B3GALT1: variants seen among roughly 807,000 people sequenced by gnomAD.
B3GALT1 encodes beta-1,3-galactosyltransferase 1.
Under a neutral mutation model 23.2 loss-of-function variants are expected in B3GALT1, and 10 were observed. The observed-to-expected ratio is 0.43, with a 90% confidence interval of 0.27 to 0.73. The LOEUF (loss-of-function observed/expected upper bound fraction) is 0.73. B3GALT1 is among the 30% of genes least tolerant of loss of function. B3GALT1 has a pLI of 0.21. For synonymous variants in B3GALT1, 156 were observed against 141.5 expected (o/e 1.10, Z -0.73); for missense variants, 299 against 405.4 (o/e 0.74, Z 2.25).
At chr2:167,489,925 G>C (rs978512626) in intron 1 of B3GALT1, among the ~76,000 whole-genome samples, 1 of 152,060 alleles carries the variant, frequency 6.6e-6, no homozygotes, top group Non-Finnish European at 1.5e-5. Context: ...AACCAGTAAA[G>C]ACATCATTTA....
chr2:167,867,215 C>A (rs57459420), intron 4 of B3GALT1, among the ~76,000 whole-genome samples: 13,144 of 152,106 alleles, frequency 0.086, 1,723 homozygotes, highest in African/African-American at 0.28. Flanking sequence ...CGTGAGCCAC[C>A]GCGCCCGGCC....
intron 2 of B3GALT1, among the ~76,000 whole-genome samples, chr2:167,603,025 C>T (rs1021364229): frequency 4.6e-5 from 7 of 152,142 alleles, no homozygotes; most frequent in Admixed American, 1.3e-4. Context: ...GGCACCATTG[C>T]CAGATCTCCT....
At chr2:167,565,060 G>T (rs1280770383) in intron 2 of B3GALT1, among the ~76,000 whole-genome samples, 1 of 152,120 alleles carries the variant, frequency 6.6e-6, no homozygotes, top group African/African-American at 2.4e-5. Context: ...TCAATCCTAA[G>T]CCAAAAGAGC....
At chr2:167,731,525 G>T (rs1354003626) in intron 3 of B3GALT1, among the ~76,000 whole-genome samples, 1 of 152,188 alleles carries the variant, frequency 6.6e-6, no homozygotes, top group Non-Finnish European at 1.5e-5. Flanking sequence ...AGTTGCTGTT[G>T]TTTCAAATGA....
chr2:167,430,431 C>T (rs528927863), intron 1 of B3GALT1, among the ~76,000 whole-genome samples: 66 of 152,224 alleles, frequency 4.3e-4, no homozygotes, highest in African/African-American at 1.3e-3. Context: ...TAATGACATA[C>T]GTTAATTTTT....
chr2:167,723,994 G>A (rs1392282440), intron 3 of B3GALT1, among the ~76,000 whole-genome samples: 1 of 152,182 alleles, frequency 6.6e-6, no homozygotes, highest in Non-Finnish European at 1.5e-5. Flanking sequence ...TTGAGTGACA[G>A]TTTTTACATT....
At chr2:167,561,054 A>C (rs1307136682) in intron 2 of B3GALT1, among the ~76,000 whole-genome samples, 1 of 152,136 alleles carries the variant, frequency 6.6e-6, no homozygotes. Flanking sequence ...ACATAGTTGG[A>C]AGTAAAGCTC....
At chr2:167,662,248 C>CT (rs889870942) in intron 3 of B3GALT1, among the ~76,000 whole-genome samples, 41 of 152,140 alleles carry the variant, frequency 2.7e-4, no homozygotes, top group African/African-American at 8.9e-4. Context: ...TCCACAAGTA[C>CT]TTTTTTTGTA....
chr2:167,449,725 G>A (rs988150097), intron 1 of B3GALT1, among the ~76,000 whole-genome samples: 1 of 152,084 alleles, frequency 6.6e-6, no homozygotes, highest in African/African-American at 2.4e-5. Flanking sequence ...TTTTGGCTGT[G>A]GGTTTGTCAT....
At chr2:167,369,123 A>G (rs996035071) in intron 1 of B3GALT1, among the ~76,000 whole-genome samples, 1 of 146,246 alleles carries the variant, frequency 6.8e-6, no homozygotes. Context: ...TTATGTTTCT[A>G]TGTCCAGTAT....
At chr2:167,474,080 G>T (rs1272224136) in intron 1 of B3GALT1, among the ~76,000 whole-genome samples, 3 of 152,278 alleles carry the variant, frequency 2.0e-5, no homozygotes, top group African/African-American at 4.8e-5. Context: ...AGTATTGACA[G>T]CTGTACAGAG....
At chr2:167,500,419 A>G (rs1699834953) in intron 2 of B3GALT1, among the ~76,000 whole-genome samples, 1 of 152,184 alleles carries the variant, frequency 6.6e-6, no homozygotes, top group Non-Finnish European at 1.5e-5. Context: ...AATGATAACT[A>G]ATGAGAAAAA....
At chr2:167,375,657 A>G (rs1303000318) in intron 1 of B3GALT1, among the ~76,000 whole-genome samples, 1 of 152,194 alleles carries the variant, frequency 6.6e-6, no homozygotes, top group African/African-American at 2.4e-5. Context: ...ATTGGTGTAT[A>G]GAAATGCTAC....
At chr2:167,677,592 G>C (rs1686450245) in intron 3 of B3GALT1, among the ~76,000 whole-genome samples, 1 of 152,124 alleles carries the variant, frequency 6.6e-6, no homozygotes, top group Non-Finnish European at 1.5e-5. Context: ...AATCACTATA[G>C]ACACCCTCAC....
intron 2 of B3GALT1, among the ~76,000 whole-genome samples, chr2:167,628,501 C>G (rs916500357): frequency 2.0e-5 from 3 of 151,694 alleles, no homozygotes; most frequent in Admixed American, 1.3e-4. Context: ...TGAAGATGAA[C>G]CTACCTGGCC....
intron 2 of B3GALT1, among the ~76,000 whole-genome samples, chr2:167,602,359 C>T (rs1008074099): frequency 6.6e-6 from 1 of 152,094 alleles, no homozygotes; most frequent in Non-Finnish European, 1.5e-5. Context: ...TTGAACAGTT[C>T]CGGAGTACTC....
At chr2:167,464,463 A>G (rs550426174) in intron 1 of B3GALT1, among the ~76,000 whole-genome samples, 2 of 152,314 alleles carry the variant, frequency 1.3e-5, no homozygotes, top group East Asian at 3.9e-4. Flanking sequence ...TCCAATTAAG[A>G]AGAAAAATAT....
intron 3 of B3GALT1, among the ~76,000 whole-genome samples, chr2:167,685,103 G>A (rs1686596784): frequency 6.6e-6 from 1 of 152,172 alleles, no homozygotes; most frequent in Non-Finnish European, 1.5e-5. Flanking sequence ...GGAAATCTTG[G>A]TAAGTTGTAA....
At chr2:167,533,520 A>C (rs75745917) in intron 2 of B3GALT1, among the ~76,000 whole-genome samples, 1 of 152,078 alleles carries the variant, frequency 6.6e-6, no homozygotes, top group African/African-American at 2.4e-5. Context: ...GTCATGATCT[A>C]TTATCCTTTT....
Sources: gnomAD v4.1 joint callset for allele counts (sites outside exome capture counted in the v4.1 genomes callset) on GRCh38, gnomAD v4.1.1 for gene constraint, MANE v1.5 for transcripts, NCBI Gene and HGNC (gene_info 2026-07-23, HGNC 2026-07-21) for gene names.